QDPR: variants seen among roughly 807,000 people sequenced by gnomAD.
QDPR encodes quinoid dihydropteridine reductase.
Under a neutral mutation model 31.7 loss-of-function variants are expected in QDPR, and 23 were observed. The ratio of observed to expected loss-of-function variants is 0.73; its 90% CI spans 0.52 to 1.03. The LOEUF (loss-of-function observed/expected upper bound fraction) is 1.03. Ranked by LOEUF, QDPR falls within the 50% of genes least tolerant of loss-of-function variation. The pLI, the probability that QDPR is intolerant of heterozygous loss-of-function variation, is 0.00. For missense variants in QDPR, 324 were observed against 323.8 expected (o/e 1.00, Z 0.00); for synonymous variants, 124 against 124.7 (o/e 0.99, Z 0.03).
In QDPR at chr4:17,487,113, T is replaced by G. The variant is rs551937467; in HGVS notation, c.*18A>C. The G allele has an allele frequency of 6.2e-7, 1 of 1,601,600 alleles. No individual in the cohort carries two copies. The highest frequency in any genetic ancestry group is 2.2e-5 in the East Asian group (1 of 44,816). ...AGTGACTTTTCTGGCAGGCCCCTCA[T>G]AGGCACTGAGATGAGGCCTAAAAAT... On this transcript the variant is annotated 3_prime_UTR_variant, in exon 7 of 7. Transcript: ENST00000281243.
In QDPR at chr4:17,486,917, T is replaced by C; in HGVS notation, c.*214A>G. The C allele has an allele frequency of 1.7e-6, 1 of 591,020 alleles. No homozygotes were observed. The highest frequency in any genetic ancestry group is 3.1e-6 in the Non-Finnish European group (1 of 327,342). 36.6% of individuals were successfully genotyped at this position (591,020 alleles called of 1,614,324 possible). On this transcript the variant is annotated 3_prime_UTR_variant, in exon 7 of 7. Coordinates refer to ENST00000281243, the MANE Select transcript of QDPR (RefSeq NM_000320.3). ...TATGCAGTTAACACAGATCAACGGATGCTATTTGCAGGCCACCAGTCTCGC... is the reference window on the plus strand; with the variant it reads ...TATGCAGTTAACACAGATCAACGGACGCTATTTGCAGGCCACCAGTCTCGC...
chr4:17,502,900 A>G (rs1718621343), intron 3 of QDPR, among the ~76,000 whole-genome samples: 1 of 152,252 alleles, frequency 6.6e-6, no homozygotes, highest in Non-Finnish European at 1.5e-5. Flanking sequence ...ACAGAAAAAA[A>G]GTACCTTTAT....
chr4:17,490,530 C>A (rs1198648323), intron 6 of QDPR, 132 bp downstream of exon 6: 1 of 717,944 alleles, frequency 1.4e-6, no homozygotes, highest in Non-Finnish European at 2.5e-6. Context: ...AATGCATCCT[C>A]AGAGTCCCAG....
At chr4:17,495,437 G>A (rs1718317253) in intron 4 of QDPR, among the ~76,000 whole-genome samples, 1 of 152,202 alleles carries the variant, frequency 6.6e-6, no homozygotes, top group African/African-American at 2.4e-5. Flanking sequence ...ACACCAGAAA[G>A]AACCCAGAAT....
chr4:17,511,877 C>CAA (rs1719023790), intron 1 of QDPR, 73 bp downstream of exon 1: 1 of 1,394,924 alleles, frequency 7.2e-7, no homozygotes, highest in Non-Finnish European at 9.5e-7. Flanking sequence ...TCTAGACTGC[C>CAA]CCCCGCCGGG....
intron 4 of QDPR, among the ~76,000 whole-genome samples, chr4:17,496,615 A>G (rs987350300): frequency 3.3e-5 from 5 of 151,906 alleles, no homozygotes. Flanking sequence ...AAAAGCCTCT[A>G]TCGAGTCATC....
At position 17,486,910 on chromosome 4, in the gene QDPR, C is replaced by T. The variant is rs1049582; in HGVS notation, c.*221G>A. 0.67 allele frequency: 390,905 copies of T among 579,220 alleles called. 133,265 individuals carry two copies. Among genetic ancestry groups the T allele is most frequent in the East Asian group, 0.79 (26,132 of 32,962 alleles). 35.9% of individuals were successfully genotyped at this position (579,220 alleles called of 1,614,324 possible). On this transcript the variant is annotated 3_prime_UTR_variant, in exon 7 of 7. Transcript: ENST00000281243. ...CCCTCCCTATGCAGTTAACACAGAT[C>T]AACGGATGCTATTTGCAGGCCACCA...
intron 6 of QDPR, among the ~76,000 whole-genome samples, chr4:17,489,799 G>A (rs1718092711): frequency 6.6e-6 from 1 of 152,216 alleles, no homozygotes; most frequent in Non-Finnish European, 1.5e-5. Flanking sequence ...ATTTAAATGA[G>A]ATTGTGACAT....
At chr4:17,492,532 G>A (rs1718206365) in intron 4 of QDPR, 192 bp from the exon 5 acceptor site, 1 of 616,566 alleles carries the variant, frequency 1.6e-6, no homozygotes, top group Non-Finnish European at 2.9e-6. Flanking sequence ...AGAGGGGATG[G>A]GAACACGTGG....
rs770706153 is a variant in QDPR at position 17,501,757 on chromosome 4, G to T, written c.398C>A (p.Thr133Asn). The change falls in exon 4 of 7, where the codon ACC (threonine) becomes AAC (asparagine). Residue 133 changes from threonine (T) to asparagine (N), a missense_variant. By Grantham distance (65) the Thr-to-Asn change is moderately conservative (BLOSUM62 0). Transcript: ENST00000281243. ...CAGGGCAGCCTTTGCGCCAGCCAAG[G>T]TCAGGAGGCCTCCTTCCTTGAGATG... ...TKHLKEGGLL[T>N]LAGAKAALDG... 1.9e-6 allele frequency: 3 copies of T among 1,614,062 alleles called. No individual in the cohort carries two copies. Among genetic ancestry groups the T allele is most frequent in the Non-Finnish European group, 2.5e-6 (3 of 1,180,028 alleles).
chr4:17,487,197 G>T lies in QDPR; in HGVS notation c.669C>A (p.Ser223Arg). 1 of 1,614,122 alleles carries T rather than the reference G, an allele frequency of 6.2e-7. No individual in the cohort carries two copies. Among genetic ancestry groups the T allele is most frequent in the Non-Finnish European group, 8.5e-7 (1 of 1,180,016 alleles). ...HDWITGKNRP[S>R]SGSLIQVVTT... ...TTACCACCTGGATTAGGCTTCCTGA[G>T]CTCGGTCGGTTTTTCCCTGTGATCC... Residue 223 changes from serine (S) to arginine (R), a missense_variant, in exon 7 of 7, where the codon AGC becomes AGA. Physicochemically the swap from Ser to Arg is moderately radical, Grantham distance 110. Transcript: ENST00000281243.
At chr4:17,496,442 C>CAAAAAAAAAAAAAAAAAAAAAAA (rs747311750) in intron 4 of QDPR, among the ~76,000 whole-genome samples, 3 of 64,608 alleles carry the variant, frequency 4.6e-5, no homozygotes, top group Non-Finnish European at 8.5e-5. Flanking sequence ...AAAACTGTCT[C>CAAAAAAAAAAAAAAAAAAAAAAA]AAAAAAAAAA....
chr4:17,497,718 G>A (rs1718416091), intron 4 of QDPR, among the ~76,000 whole-genome samples: 1 of 152,152 alleles, frequency 6.6e-6, no homozygotes, highest in South Asian at 2.1e-4. Flanking sequence ...CTCTGGTGAT[G>A]AAATAAGATC....
chr4:17,494,618 T>C (rs1274608501), intron 4 of QDPR, among the ~76,000 whole-genome samples: 1 of 152,236 alleles, frequency 6.6e-6, no homozygotes, highest in Non-Finnish European at 1.5e-5. Context: ...TTGATTGTTT[T>C]TTTTCCAGGT....
intron 3 of QDPR, among the ~76,000 whole-genome samples, chr4:17,503,969 TAGAGG>T (rs551706758): frequency 3.2e-3 from 474 of 146,478 alleles, no homozygotes; most frequent in Middle Eastern, 0.01. Flanking sequence ...GGTAGGGGAG[TAGAGG>T]GGAGGGGAGG....
chr4:17,503,767 T>A (rs996956167), intron 3 of QDPR, among the ~76,000 whole-genome samples: 1 of 152,066 alleles, frequency 6.6e-6, no homozygotes, highest in African/African-American at 2.4e-5. Context: ...CTGGGCAACA[T>A]GGTGAAACCC....
intron 4 of QDPR, among the ~76,000 whole-genome samples, chr4:17,498,832 ATCT>A (rs202089319): frequency 1.3e-5 from 2 of 151,268 alleles, no homozygotes; most frequent in Non-Finnish European, 2.9e-5. Flanking sequence ...GTGCAAACAA[ATCT>A]TCTTGAGTTT....
chr4:17,509,443 T>C (rs1718917946), intron 1 of QDPR, 80 bp from the exon 2 acceptor site: 1 of 1,291,864 alleles, frequency 7.7e-7, no homozygotes. Context: ...ATGAGGGGAG[T>C]TGGCCAGGTG....
intron 4 of QDPR, 91 bp downstream of exon 4, chr4:17,501,628 C>T: frequency 6.8e-7 from 1 of 1,471,468 alleles, no homozygotes; most frequent in South Asian, 1.2e-5. Context: ...AGGGTAAAGG[C>T]TTTAACAGTC....
Sources: gnomAD v4.1 joint callset for allele counts (sites outside exome capture counted in the v4.1 genomes callset) on GRCh38, gnomAD v4.1.1 for gene constraint, MANE v1.5 for transcripts, NCBI Gene and HGNC (gene_info 2026-07-23, HGNC 2026-07-21) for gene names.